Variants in COPG2 observed in about 807,000 individuals in gnomAD.
COPG2 encodes the protein coat protein complex I subunit gamma 2, also known as coatomer subunit gamma-2.
A neutral mutation model predicts 46.3 loss-of-function variants in COPG2; 37 were observed. The ratio of observed to expected loss-of-function variants is 0.80; its 90% confidence interval spans 0.61 to 1.05. The LOEUF (loss-of-function observed/expected upper bound fraction) is 1.05, where lower values mean the gene tolerates loss of function less well. COPG2 is among the 50% of genes least tolerant of loss of function. The pLI, the probability that COPG2 is intolerant of heterozygous loss-of-function variation, is 0.00. For synonymous variants in COPG2, 159 were observed against 129.7 expected (o/e 1.23, Z -1.53); for missense variants, 427 against 387.8 (o/e 1.10, Z -0.85).
intron 20 of COPG2, among the ~76,000 whole-genome samples, chr7:130,545,052 G>A (rs1252315067): frequency 1.3e-5 from 2 of 152,134 alleles, no homozygotes; most frequent in African/African-American, 4.8e-5. Context: ...GAGGGTATGT[G>A]TCTTTTGAAC....
chr7:130,666,976 C>A, intron 2 of COPG2, 47 bp from the exon 3 acceptor site: 1 of 1,004,792 alleles, frequency 1.0e-6, no homozygotes. Context: ...CCTTTTCTAT[C>A]ACAGATTATA....
At chr7:130,620,278 A>C (rs13223735) in intron 5 of COPG2, among the ~76,000 whole-genome samples, 2 of 152,118 alleles carry the variant, frequency 1.3e-5, no homozygotes, top group East Asian at 3.9e-4. Context: ...TTAGCAAGCA[A>C]AAGACACAAA....
intron 5 of COPG2, chr7:130,645,103 C>A: frequency 2.6e-6 from 1 of 387,496 alleles, no homozygotes; most frequent in Non-Finnish European, 5.0e-6. Context: ...AATGCTTAAG[C>A]ATCCATTTTT....
chr7:130,575,778 C>G (rs1446388633), intron 9 of COPG2, among the ~76,000 whole-genome samples: 1 of 152,156 alleles, frequency 6.6e-6, no homozygotes, highest in Admixed American at 6.5e-5. Context: ...TTAAAAGATA[C>G]AGAACTGCAA....
At chr7:130,585,608 C>CT (rs1380796738) in intron 9 of COPG2, among the ~76,000 whole-genome samples, 1 of 151,948 alleles carries the variant, frequency 6.6e-6, no homozygotes, top group Non-Finnish European at 1.5e-5. Context: ...ACAACAAACT[C>CT]TAACAAATCA....
At chr7:130,622,239 A>C (rs1172707743) in intron 5 of COPG2, among the ~76,000 whole-genome samples, 2 of 152,202 alleles carry the variant, frequency 1.3e-5, no homozygotes, top group Admixed American at 6.5e-5. Flanking sequence ...TATGAAATAC[A>C]TCTCAGAACC....
At chr7:130,542,762 AAAG>A (rs1341907517) in intron 20 of COPG2, among the ~76,000 whole-genome samples, 2 of 152,138 alleles carry the variant, frequency 1.3e-5, no homozygotes, top group Non-Finnish European at 2.9e-5. Flanking sequence ...GTTTATGGTA[AAAG>A]AAGGGACAGG....
chr7:130,650,837 G>C (rs906396438), intron 5 of COPG2, among the ~76,000 whole-genome samples: 1 of 152,112 alleles, frequency 6.6e-6, no homozygotes, highest in Admixed American at 6.5e-5. Context: ...CAGTAATTTG[G>C]GCATCTATTT....
chr7:130,507,521 G>GA (rs1799517862), intron 22 of COPG2, 149 bp from the exon 23 acceptor site: 5 of 668,434 alleles, frequency 7.5e-6, no homozygotes, highest in Non-Finnish European at 8.1e-6. Context: ...TACTGGACTA[G>GA]AAAATGGCTG....
intron 5 of COPG2, among the ~76,000 whole-genome samples, chr7:130,626,786 T>G (rs1795128798): frequency 6.6e-6 from 1 of 152,226 alleles, no homozygotes; most frequent in Admixed American, 6.5e-5. Flanking sequence ...TTTTTGCCTT[T>G]TTTCTCCTGG....
At chr7:130,657,305 GA>G (rs1436454660) in intron 4 of COPG2, among the ~76,000 whole-genome samples, 4 of 151,990 alleles carry the variant, frequency 2.6e-5, no homozygotes, top group Admixed American at 1.3e-4. Flanking sequence ...GAAGAAGGAA[GA>G]AAAGGAAGAG....
At chr7:130,538,518 T>C (rs890773424) in intron 20 of COPG2, among the ~76,000 whole-genome samples, 2 of 151,832 alleles carry the variant, frequency 1.3e-5, no homozygotes, top group East Asian at 3.9e-4. Flanking sequence ...AGGATTACGG[T>C]AGGGAGGCAA....
At chr7:130,644,278 G>A (rs1795549637) in intron 5 of COPG2, among the ~76,000 whole-genome samples, 1 of 152,128 alleles carries the variant, frequency 6.6e-6, no homozygotes, top group Non-Finnish European at 1.5e-5. Flanking sequence ...AGAAACACTA[G>A]GTATGACTAG....
At chr7:130,626,407 T>C (rs1795120193) in intron 5 of COPG2, among the ~76,000 whole-genome samples, 1 of 148,588 alleles carries the variant, frequency 6.7e-6, no homozygotes, top group African/African-American at 2.5e-5. Flanking sequence ...CTAATTTTTT[T>C]TTTTTTTTTT....
intron 14 of COPG2, among the ~76,000 whole-genome samples, chr7:130,553,461 T>C (rs1008366799): frequency 0.016 from 2,471 of 151,460 alleles, 67 homozygotes; most frequent in African/African-American, 0.057. Context: ...TAGAAGAGAA[T>C]GAAGAAATAT....
chr7:130,642,345 T>C (rs1055762574), intron 5 of COPG2, among the ~76,000 whole-genome samples: 2 of 152,048 alleles, frequency 1.3e-5, no homozygotes, highest in Non-Finnish European at 2.9e-5. Flanking sequence ...GTAACCTCCA[T>C]CCAAAATAAA....
At chr7:130,617,646 C>T (rs781860365) in intron 5 of COPG2, among the ~76,000 whole-genome samples, 1 of 152,142 alleles carries the variant, frequency 6.6e-6, no homozygotes, top group Non-Finnish European at 1.5e-5. Flanking sequence ...CTTTTACCCT[C>T]CCTTCTTTAG....
intron 20 of COPG2, among the ~76,000 whole-genome samples, chr7:130,528,326 G>A (rs1212284091): frequency 1.3e-5 from 2 of 151,890 alleles, no homozygotes; most frequent in Non-Finnish European, 2.9e-5. Flanking sequence ...TGAAAGAAAG[G>A]ATGCAAAGGG....
chr7:130,628,616 G>A (rs1299047712), intron 5 of COPG2, among the ~76,000 whole-genome samples: 1 of 152,116 alleles, frequency 6.6e-6, no homozygotes, highest in Non-Finnish European at 1.5e-5. Context: ...ATTTTGCCCT[G>A]GCTTGTTTCC....
Sources: gnomAD v4.1 joint callset for allele counts (sites outside exome capture counted in the v4.1 genomes callset) on GRCh38, gnomAD v4.1.1 for gene constraint, MANE v1.5 for transcripts, NCBI Gene and HGNC (gene_info 2026-07-23, HGNC 2026-07-21) for gene names.